FBXO31: variants seen among roughly 807,000 people sequenced by gnomAD.
FBXO31 encodes F-box protein 31, also known as F-box only protein 31.
A neutral mutation model predicts 54.4 loss-of-function variants in FBXO31; 24 were observed. The ratio of observed to expected loss-of-function variants is 0.44; its 90% CI spans 0.32 to 0.62. FBXO31 has a LOEUF of 0.62. Among genes scored for constraint, FBXO31 ranks in the 20% least tolerant of loss-of-function variants. The pLI is 0.05. For missense variants in FBXO31, 665 were observed against 787.1 expected (o/e 0.84, Z 1.86); for synonymous variants, 388 against 335.6 (o/e 1.16, Z -1.71).
rs141835657 is a variant in FBXO31, at chr16:87,382,916, G to A, written c.340+489C>T. ...CTCCCTAAGTGCTGAGATTACAGGCGTGAAACCGCGCCCGGCCTGCTCCCA... is the reference window on the plus strand; with the variant it reads ...CTCCCTAAGTGCTGAGATTACAGGCATGAAACCGCGCCCGGCCTGCTCCCA... On this transcript the variant is annotated intron_variant, in intron 1 of 8. Coordinates refer to ENST00000311635, the MANE Select transcript of FBXO31 (RefSeq NM_024735.5). Among the ~76,000 whole-genome samples, 728 of 152,282 alleles carry A rather than the reference G, an allele frequency of 4.8e-3. 2 individuals are homozygous for A. Among genetic ancestry groups the A allele is most frequent in the Middle Eastern group, 6.8e-3 (2 of 294 alleles).
At chr16:87,344,973 A>G (rs1162918921) in intron 3 of FBXO31, among the ~76,000 whole-genome samples, 2 of 130,060 alleles carry the variant, frequency 1.5e-5, no homozygotes, top group African/African-American at 5.8e-5. Flanking sequence ...GGCAGAGCCC[A>G]TCCCTGCCCC....
intron 2 of FBXO31, among the ~76,000 whole-genome samples, chr16:87,354,666 G>T (rs1370364724): frequency 6.6e-6 from 1 of 151,974 alleles, no homozygotes; most frequent in Admixed American, 6.6e-5. Flanking sequence ...GTGACTCTGA[G>T]GTCACAAAAC....
intron 1 of FBXO31, among the ~76,000 whole-genome samples, chr16:87,369,086 G>A (rs552080482): frequency 6.6e-6 from 1 of 152,174 alleles, no homozygotes; most frequent in South Asian, 2.1e-4. Context: ...ACTGCACCCG[G>A]CCTTTATTTT....
At chr16:87,386,713 C>A (rs1038271983), upstream of FBXO31, among the ~76,000 whole-genome samples, 2 of 152,170 alleles carry the variant, frequency 1.3e-5, no homozygotes, top group African/African-American at 2.4e-5. Flanking sequence ...GGATTACAGG[C>A]ACGAGCCACT....
At position 87,332,421 on chromosome 16, in the gene FBXO31, G is replaced by A. The variant is rs2007266; in HGVS notation, c.1398-911C>T. On this transcript the variant is annotated intron_variant, in intron 8 of 8. Coordinates refer to ENST00000311635, the MANE Select transcript of FBXO31 (RefSeq NM_024735.5). ...CTGGTCAGTGGCTGCAGCACGTGCT[G>A]TGACTCGCAAACTGGCTCTGAGCCC... is the stretch of plus-strand genomic sequence containing the variant. 8.3e-4 allele frequency among the ~76,000 whole-genome samples: 126 copies of A among 152,382 alleles called. No homozygotes were observed. The East Asian group carries it at 0.022, about 26-fold the overall frequency.
At position 87,345,468 on chromosome 16, in the gene FBXO31, C is replaced by T. The variant is rs1905346347; in HGVS notation, c.490-1703G>A. ...ACCCCACAGGGACACCTGCAAATAC[C>T]AAGAAAAGTCAGACAACTTCACTGT... On this transcript the variant is annotated intron_variant, in intron 3 of 8. Coordinates refer to ENST00000311635, the MANE Select transcript of FBXO31 (RefSeq NM_024735.5). This position sits in a 1 kb window ranked among gnomAD's most constrained non-coding sequence, Gnocchi z 4.9. Among the ~76,000 whole-genome samples, 1 of 152,148 alleles carries T rather than the reference C, an allele frequency of 6.6e-6. No individual in the cohort carries two copies. Among genetic ancestry groups the T allele is most frequent in the Non-Finnish European group, 1.5e-5 (1 of 68,020 alleles).
At chr16:87,384,028 G>A (rs901625223), upstream of FBXO31, 8 of 192,306 alleles carry the variant, frequency 4.2e-5, no homozygotes, top group African/African-American at 4.7e-5. Context: ...AGACTGCCCC[G>A]TGTGAGGCTC....
At chr16:87,384,650 C>A (rs1314509946), upstream of FBXO31, among the ~76,000 whole-genome samples, 1 of 152,254 alleles carries the variant, frequency 6.6e-6, no homozygotes, top group African/African-American at 2.4e-5. Flanking sequence ...GCCTCGGACC[C>A]CATCTCTTGG....
chr16:87,386,465 C>A (rs1229109762), upstream of FBXO31, among the ~76,000 whole-genome samples: 1 of 152,214 alleles, frequency 6.6e-6, no homozygotes, highest in East Asian at 1.9e-4. Flanking sequence ...CGGAGTCTCA[C>A]TCTGTCACCC....
At chr16:87,331,939 T>C (rs975838219) in intron 8 of FBXO31, among the ~76,000 whole-genome samples, 4 of 152,232 alleles carry the variant, frequency 2.6e-5, no homozygotes, top group Admixed American at 2.0e-4. Context: ...CTGGGAGTTA[T>C]GTCCCCATAC....
In FBXO31 at chr16:87,328,583, C is replaced by G. The variant is rs935491533; in HGVS notation, c.*2705G>C. 1 of 152,286 alleles carries G rather than the reference C, an allele frequency of 6.6e-6. No homozygotes were observed. Among genetic ancestry groups the G allele is most frequent in the African/African-American group, 2.4e-5 (1 of 41,470 alleles). The allele number at this position is 152,286 out of a possible 1,614,324, so 9.4% of individuals were successfully genotyped here. A position where few individuals can be genotyped will look rare whatever the true frequency, so the allele number is the denominator to read the frequency against. ...CTCAGCCTGCAGAAGTCGTTTGCAACTTCCTCATGCAAATGAACATTCAGT... is the reference window on the plus strand; with the variant it reads ...CTCAGCCTGCAGAAGTCGTTTGCAAGTTCCTCATGCAAATGAACATTCAGT... On this transcript the variant is annotated 3_prime_UTR_variant, in exon 9 of 9. Coordinates refer to ENST00000311635, the MANE Select transcript of FBXO31 (RefSeq NM_024735.5).
upstream of FBXO31, among the ~76,000 whole-genome samples, chr16:87,387,338 C>G (rs538623253): frequency 2.6e-5 from 4 of 152,052 alleles, no homozygotes; most frequent in Non-Finnish European, 4.4e-5. Flanking sequence ...CATTCTAAAA[C>G]GAGGAAGAAC....
At chr16:87,342,659 T>C (rs376056861) in intron 5 of FBXO31, among the ~76,000 whole-genome samples, 9 of 152,320 alleles carry the variant, frequency 5.9e-5, no homozygotes, top group African/African-American at 2.2e-4. Flanking sequence ...TCGTTCGTTC[T>C]GCAGGGGGAG....
intron 5 of FBXO31, among the ~76,000 whole-genome samples, chr16:87,337,430 C>T (rs1297018542): frequency 6.6e-6 from 1 of 152,188 alleles, no homozygotes; most frequent in Non-Finnish European, 1.5e-5. Flanking sequence ...AGACTGGACT[C>T]GCCAAGTCTG....
At chr16:87,379,843 C>T (rs1906996317) in intron 1 of FBXO31, among the ~76,000 whole-genome samples, 1 of 151,830 alleles carries the variant, frequency 6.6e-6, no homozygotes, top group Non-Finnish European at 1.5e-5. Context: ...CCGCCTTGGC[C>T]TCCCAAAGTG....
rs146579229 is a variant in FBXO31, at chr16:87,363,188, C to A, written c.341-2822G>T. Among the ~76,000 whole-genome samples, 1,360 of 152,184 alleles carry A rather than the reference C, an allele frequency of 8.9e-3. 18 individuals carry two copies. The highest frequency in any genetic ancestry group is 0.031 in the African/African-American group (1,281 of 41,514). ...TCACCTGAGGTTGGGAGTTCGAGAT[C>A]AGCCTGACCAACATGGAGAAACCCC... On this transcript the variant is annotated intron_variant, in intron 1 of 8. Coordinates refer to ENST00000311635, the MANE Select transcript of FBXO31 (RefSeq NM_024735.5).
chr16:87,369,537 A>G (rs1270456772), intron 1 of FBXO31, among the ~76,000 whole-genome samples: 1 of 152,208 alleles, frequency 6.6e-6, no homozygotes. Context: ...ATTGTATTCC[A>G]GCCTGCAGGG....
chr16:87,361,839 G>A (rs1032383189), intron 1 of FBXO31, among the ~76,000 whole-genome samples: 4 of 152,230 alleles, frequency 2.6e-5, no homozygotes, highest in Non-Finnish European at 4.4e-5. Context: ...CAGCGGGACC[G>A]TTCCAGGCTT....
At chr16:87,390,693 A>G (rs554820348), upstream of FBXO31, among the ~76,000 whole-genome samples, 683 of 151,360 alleles carry the variant, frequency 4.5e-3, 2 homozygotes, top group Non-Finnish European at 6.6e-3. Flanking sequence ...TCCTGCCTTG[A>G]CCTCCCAAAG....
Sources: allele counts gnomAD v4.1 joint callset (sites outside exome capture counted in the v4.1 genomes callset), GRCh38; gene constraint gnomAD v4.1.1; non-coding constraint Gnocchi (gnomAD v3.1); transcripts MANE v1.5; gene names NCBI Gene and HGNC (gene_info 2026-07-23, HGNC 2026-07-21).